The following YIPF6 variants were observed in gnomAD, a reference collection of about 807,000 sequenced individuals.
YIPF6 encodes protein YIPF6.
YIPF6 carries 3 observed loss-of-function variants against 16.8 expected under a neutral mutation model. The observed-to-expected ratio is 0.18, with a 90% CI of 0.08 to 0.46. The LOEUF (loss-of-function observed/expected upper bound fraction) is 0.46. Among genes scored for constraint, YIPF6 ranks in the 20% least tolerant of loss-of-function variants. The pLI is 0.98. For missense variants in YIPF6, 145 were observed against 184.9 expected, an observed-to-expected ratio of 0.78 and a Z score of 1.25; for synonymous variants, 67 against 61.9, an observed-to-expected ratio of 1.08 and a Z score of -0.38.
chrX:68,515,748 G>A (rs987514551), intron 3 of YIPF6, among the ~76,000 whole-genome samples: 1 of 110,306 alleles, frequency 9.1e-6, no homozygotes, highest in Admixed American at 9.7e-5. Flanking sequence ...AGCTCACTGT[G>A]GCCTCAAACT....
intron 6 of YIPF6, among the ~76,000 whole-genome samples, chrX:68,528,105 G>C (rs1479263753): frequency 3.6e-5 from 4 of 111,411 alleles, no homozygotes; most frequent in Non-Finnish European, 3.8e-5. Flanking sequence ...CACTATTATT[G>C]TGTGGGAGTA....
At chrX:68,506,498 G>A (rs1374740063) in intron 1 of YIPF6, among the ~76,000 whole-genome samples, 4 of 109,631 alleles carry the variant, frequency 3.6e-5, no homozygotes, top group East Asian at 2.9e-4. Flanking sequence ...CCAGAGGTTC[G>A]AGATCAGCCT....
At chrX:68,508,115 CTT>C (rs564298459) in intron 1 of YIPF6, among the ~76,000 whole-genome samples, 7 of 94,726 alleles carry the variant, frequency 7.4e-5, no homozygotes, top group African/African-American at 7.6e-5. Context: ...CTCAGCTATT[CTT>C]TTTTTTTTTT....
intron 1 of YIPF6, among the ~76,000 whole-genome samples, chrX:68,502,459 C>T (rs1325184837): frequency 1.8e-5 from 2 of 111,460 alleles, no homozygotes; most frequent in African/African-American, 6.5e-5. Context: ...CTTACAGACT[C>T]CCTGGAGATG....
chrX:68,507,901 C>G (rs966020612), intron 1 of YIPF6, among the ~76,000 whole-genome samples: 1 of 110,488 alleles, frequency 9.1e-6, no homozygotes, highest in East Asian at 2.9e-4. Flanking sequence ...ACCATGCCGG[C>G]CTTTTATTGT....
At chrX:68,525,272 C>T (rs143313649) in intron 6 of YIPF6, among the ~76,000 whole-genome samples, 3,439 of 111,980 alleles carry the variant, frequency 0.031, 138 homozygotes, top group African/African-American at 0.11. Context: ...GTTTGTTGGC[C>T]GCATAAATGT....
At chrX:68,526,564 G>A (rs905060171) in intron 6 of YIPF6, among the ~76,000 whole-genome samples, 8 of 111,548 alleles carry the variant, frequency 7.2e-5, no homozygotes, top group Non-Finnish European at 1.9e-5. Flanking sequence ...TTTTCAAGGG[G>A]AATGCTTCCA....
At chrX:68,515,219 G>A (rs956219383) in intron 3 of YIPF6, 35 of 107,463 alleles carry the variant, frequency 3.3e-4, no homozygotes, top group African/African-American at 1.0e-3. Context: ...CCAGCTACTC[G>A]GGAGGCTGAG....
Position 68,536,386 on chromosome X carries a change from T to C in YIPF6, c.*4387T>C, listed in dbSNP as rs2079191566. Reference sequence around the variant, plus strand: ...AAAATTGAGGCACTGAGAGGTTAAGTAAATTGCCCACGGTCACACAGTAAT... The same window carrying C: ...AAAATTGAGGCACTGAGAGGTTAAGCAAATTGCCCACGGTCACACAGTAAT... On this transcript the variant is annotated 3_prime_UTR_variant, in exon 7 of 7. Coordinates refer to ENST00000462683, the MANE Select transcript of YIPF6 (RefSeq NM_173834.4). The C allele has an allele frequency of 9.0e-6, 1 of 111,700 alleles. No homozygotes were observed. Among genetic ancestry groups the C allele is most frequent in the African/African-American group, 3.3e-5 (1 of 30,719 alleles). The allele number at this position is 111,700 out of a possible 1,213,427, so 9.2% of individuals were successfully genotyped here.
At position 68,536,240 on chromosome X, in the gene YIPF6, A is replaced by T. The variant is rs770684487; in HGVS notation, c.*4241A>T. 1 of 111,062 alleles carries T rather than the reference A, an allele frequency of 9.0e-6. No homozygotes were observed. Among genetic ancestry groups the T allele is most frequent in the African/African-American group, 3.3e-5 (1 of 30,573 alleles). 9.2% of individuals were successfully genotyped at this position (111,062 alleles called of 1,213,427 possible). A position where few individuals can be genotyped will look rare whatever the true frequency, so the allele number is the denominator to read the frequency against. ...CAGCAGTCAGTTCCATTCCCCCTTC[A>T]TCCCAGCCTCTGGCAACCACTAATC... is the stretch of plus-strand genomic sequence containing the variant. On this transcript the variant is annotated 3_prime_UTR_variant, in exon 7 of 7. Coordinates refer to ENST00000462683, the MANE Select transcript of YIPF6 (RefSeq NM_173834.4).
intron 6 of YIPF6, among the ~76,000 whole-genome samples, chrX:68,524,591 A>AT (rs1257645751): frequency 9.1e-6 from 1 of 109,611 alleles, no homozygotes; most frequent in Non-Finnish European, 1.9e-5. Flanking sequence ...TTACATAGGT[A>AT]TACACATGCC....
chrX:68,502,663 G>A (rs1445477745), intron 1 of YIPF6, among the ~76,000 whole-genome samples: 2 of 111,316 alleles, frequency 1.8e-5, no homozygotes, highest in African/African-American at 6.5e-5. Flanking sequence ...TATCCAACAG[G>A]CAGTTGGACT....
chrX:68,523,452 G>A (rs933011266), intron 6 of YIPF6, among the ~76,000 whole-genome samples: 1 of 111,715 alleles, frequency 9.0e-6, no homozygotes, highest in African/African-American at 3.3e-5. Flanking sequence ...GAGTAAGAGA[G>A]TCAAATTGCA....
intron 6 of YIPF6, among the ~76,000 whole-genome samples, chrX:68,527,996 G>T (rs12010426): frequency 0.096 from 10,660 of 110,995 alleles, 1,120 homozygotes; most frequent in African/African-American, 0.31. Flanking sequence ...TATCTTTTAG[G>T]TCCATTTGGT....
chrX:68,507,299 C>G (rs1335873502), intron 1 of YIPF6, among the ~76,000 whole-genome samples: 1 of 112,107 alleles, frequency 8.9e-6, no homozygotes, highest in East Asian at 2.8e-4. Context: ...TTCATTTTAA[C>G]TAATTTGGGA....
At position 68,522,829 on chromosome X, in the gene YIPF6, C is replaced by T; in HGVS notation, c.504C>T (p.Cys168=). 2 of 1,210,582 alleles carry T rather than the reference C, an allele frequency of 1.7e-6. No individual in the cohort carries two copies. The highest frequency in any genetic ancestry group is 2.2e-6 in the Non-Finnish European group (2 of 895,138). ...CCTTGACAGTAGCAATGCTGATTTG[C>T]CGGCTGGTACTTTTGGCTGATCCAG... ...ILPLTVAMLI[C]RLVLLADPGP... Residue 168 remains cysteine (C), a synonymous_variant, in exon 6 of 7, where the codon TGC becomes TGT. Coordinates refer to ENST00000462683, the MANE Select transcript of YIPF6 (RefSeq NM_173834.4).
chrX:68,508,032 T>C (rs1388855785), intron 1 of YIPF6, among the ~76,000 whole-genome samples: 2 of 111,526 alleles, frequency 1.8e-5, no homozygotes, highest in African/African-American at 6.5e-5. Context: ...CATTTTGTCC[T>C]TTGGTATTCA....
chrX:68,512,415 G>A (rs901344332), intron 2 of YIPF6, among the ~76,000 whole-genome samples: 1 of 110,036 alleles, frequency 9.1e-6, no homozygotes, highest in Non-Finnish European at 1.9e-5. Flanking sequence ...TCGCACCACT[G>A]CACTCTGGCC....
chrX:68,521,255 C>A, intron 4 of YIPF6, 117 bp from the exon 5 acceptor site: 1 of 878,543 alleles, frequency 1.1e-6, no homozygotes, highest in Non-Finnish European at 1.6e-6. Context: ...CTACATATTA[C>A]AGATCTTCAG....
Sources: gnomAD v4.1 joint callset for allele counts (sites outside exome capture counted in the v4.1 genomes callset) on GRCh38, gnomAD v4.1.1 for gene constraint, MANE v1.5 for transcripts, NCBI Gene and HGNC (gene_info 2026-07-23, HGNC 2026-07-21) for gene names.